SLCO4A1: variants seen among roughly 807,000 people sequenced by gnomAD.
SLCO4A1 encodes the protein solute carrier organic anion transporter family member 4A1.
Under a neutral mutation model 64.6 loss-of-function variants are expected in SLCO4A1, and 51 were observed. The ratio of observed to expected loss-of-function variants is 0.79; its 90% CI spans 0.63 to 1.00. The LOEUF (loss-of-function observed/expected upper bound fraction) is 1.00. SLCO4A1 is among the 50% of genes least tolerant of loss of function. The pLI, the probability that SLCO4A1 is intolerant of heterozygous loss-of-function variation, is 0.00. For missense variants in SLCO4A1, 919 were observed against 980.5 expected, an observed-to-expected ratio of 0.94 and a Z score of 0.84; for synonymous variants, 471 against 444.9, an observed-to-expected ratio of 1.06 and a Z score of -0.74.
intron 1 of SLCO4A1, among the ~76,000 whole-genome samples, chr20:62,653,543 G>A (rs966095029): frequency 6.6e-6 from 1 of 152,254 alleles, no homozygotes; most frequent in Admixed American, 6.5e-5. Flanking sequence ...TTCTCACTGA[G>A]GCCCCTGTGT....
At chr20:62,647,565 C>T (rs1981578673) in intron 1 of SLCO4A1, among the ~76,000 whole-genome samples, 2 of 152,238 alleles carry the variant, frequency 1.3e-5, no homozygotes, top group South Asian at 2.1e-4. Context: ...ATTTGCTGGG[C>T]CACAGTAGGT....
At chr20:62,659,258 A>G (rs756406123) in intron 3 of SLCO4A1, among the ~76,000 whole-genome samples, 1 of 152,132 alleles carries the variant, frequency 6.6e-6, no homozygotes, top group South Asian at 2.1e-4. Flanking sequence ...ACAGGCAGAG[A>G]GAGACAGAGA....
chr20:62,643,877 G>A (rs908818430), intron 1 of SLCO4A1, among the ~76,000 whole-genome samples: 8 of 152,172 alleles, frequency 5.3e-5, no homozygotes, highest in Admixed American at 1.3e-4. Flanking sequence ...AACCCCACGA[G>A]GTGGCCATTA....
At chr20:62,673,703 G>A (rs911844353), downstream of SLCO4A1, among the ~76,000 whole-genome samples, 9 of 109,456 alleles carry the variant, frequency 8.2e-5, 2 homozygotes, top group African/African-American at 1.4e-4. Context: ...GCAAGAAACC[G>A]GATGCTCAGC....
intron 4 of SLCO4A1, 132 bp from the exon 5 acceptor site, chr20:62,660,932 G>A: frequency 1.5e-6 from 1 of 653,874 alleles, no homozygotes; most frequent in South Asian, 1.8e-5. Context: ...GGCTGCGAGG[G>A]CTGCAGGGAT....
Position 62,644,751 on chromosome 20 carries a change from G to A in SLCO4A1, c.-97+2198G>A, listed in dbSNP as rs1412835586. Reference sequence around the variant, plus strand: ...ATCCATTTCTGGGGTGGGTACTGCTGAGCCAATATACATTCCTGGCTTCCT... The same window carrying A: ...ATCCATTTCTGGGGTGGGTACTGCTAAGCCAATATACATTCCTGGCTTCCT... On this transcript the variant is annotated intron_variant, in intron 1 of 11. Coordinates refer to ENST00000217159, the MANE Select transcript of SLCO4A1 (RefSeq NM_016354.4). This position sits in a 1 kb window ranked among gnomAD's most constrained non-coding sequence, Gnocchi z 5.4. 6.6e-6 allele frequency among the ~76,000 whole-genome samples: 1 copy of A among 152,228 alleles called. No individual in the cohort carries two copies. The highest frequency in any genetic ancestry group is 1.9e-4 in the East Asian group (1 of 5,196).
chr20:62,647,564 G>C (rs1363051060), intron 1 of SLCO4A1, among the ~76,000 whole-genome samples: 1 of 152,372 alleles, frequency 6.6e-6, no homozygotes, highest in South Asian at 2.1e-4. Context: ...CATTTGCTGG[G>C]CCACAGTAGG....
Position 62,661,266 on chromosome 20 carries a change from T to A in SLCO4A1, c.1121+91T>A. 1 of 883,360 alleles carries A rather than the reference T, an allele frequency of 1.1e-6. No individual in the cohort carries two copies. Among genetic ancestry groups the A allele is most frequent in the Non-Finnish European group, 1.9e-6 (1 of 530,322 alleles). 54.7% of individuals were successfully genotyped at this position (883,360 alleles called of 1,614,324 possible). On this transcript the variant is annotated intron_variant, in intron 5 of 11. Transcript: ENST00000217159. The surrounding 1 kb of genome is among the most constrained non-coding windows in gnomAD (Gnocchi z 5.2). Reference sequence around the variant, plus strand: ...AGTCGTTGAGACCCCTCCGGGATCATGATGGGGACGCAGCCCCTAACCTCT... The same window carrying A: ...AGTCGTTGAGACCCCTCCGGGATCAAGATGGGGACGCAGCCCCTAACCTCT...
chr20:62,646,813 G>A (rs964426012), intron 1 of SLCO4A1, among the ~76,000 whole-genome samples: 1 of 152,258 alleles, frequency 6.6e-6, no homozygotes, highest in Non-Finnish European at 1.5e-5. Flanking sequence ...TCTCAAACAT[G>A]CCCTTGAATG....
chr20:62,683,235 TA>T (rs1569157259), intron 2 of SLCO4A1, among the ~76,000 whole-genome samples: 1 of 152,244 alleles, frequency 6.6e-6, no homozygotes, highest in Non-Finnish European at 1.5e-5. Flanking sequence ...GTTTAATTCA[TA>T]ACTTGATCAT....
chr20:62,654,055 T>G (rs867665579), intron 1 of SLCO4A1, among the ~76,000 whole-genome samples: 13 of 152,012 alleles, frequency 8.6e-5, no homozygotes, highest in Non-Finnish European at 1.0e-4. Flanking sequence ...AAAAAAATAG[T>G]TTATTCCCAC....
intron 1 of SLCO4A1, among the ~76,000 whole-genome samples, chr20:62,654,689 C>T (rs911625864): frequency 1.3e-5 from 2 of 152,080 alleles, no homozygotes; most frequent in Non-Finnish European, 2.9e-5. Flanking sequence ...TGTGATGTTT[C>T]GTGGGCTGAA....
In SLCO4A1 at chr20:62,656,629, C is replaced by T. The variant is rs1225568845; in HGVS notation, c.175C>T (p.Leu59Phe). The change falls in exon 2 of 12, where the codon CTC becomes TTC. Residue 59 changes from leucine (L) to phenylalanine (F), a missense_variant. Leu to Phe is a conservative substitution (Grantham distance 22, BLOSUM62 0). Coordinates refer to ENST00000217159, the MANE Select transcript of SLCO4A1 (RefSeq NM_016354.4). Reference sequence around the variant, plus strand: ...CCCCCTGGACACCAGCAAGCAGCCCCTCTGCCAGCTCTGGGCCGAGAAGCA... The same window carrying T: ...CCCCCTGGACACCAGCAAGCAGCCCTTCTGCCAGCTCTGGGCCGAGAAGCA... ...HSPLDTSKQP[L>F]CQLWAEKHGA... is the part of the protein sequence containing the mutation. 1.9e-6 allele frequency: 3 copies of T among 1,600,634 alleles called. No homozygotes were observed. The highest frequency in any genetic ancestry group is 3.4e-5 in the Admixed American group (2 of 58,960).
chr20:62,657,102 T>A lies in SLCO4A1; in HGVS notation c.648T>A (p.Cys216Ter). Residue 216 changes from cysteine (C) to a stop codon, truncating the protein, a stop_gained, in exon 2 of 12, where the codon TGT (cysteine) becomes TGA (stop). Coordinates refer to ENST00000217159, the MANE Select transcript of SLCO4A1 (RefSeq NM_016354.4). LOFTEE classifies it high-confidence loss of function. ...GCCCTGCCAACCCCGGCGCGGTGTG[T>A]GCGGACAGCACCTCGGGCCTGTCCC... The part of the protein sequence containing the change: ...RTCPANPGAV[C>*]ADSTSGLSRY... 6.3e-7 allele frequency: 1 copy of A among 1,596,478 alleles called. No individual in the cohort carries two copies. The highest frequency in any genetic ancestry group is 8.5e-7 in the Non-Finnish European group (1 of 1,173,718).
chr20:62,661,480 C>G lies in SLCO4A1; in HGVS notation c.1121+305C>G, dbSNP rs933782173. 6.6e-6 allele frequency among the ~76,000 whole-genome samples: 1 copy of G among 152,100 alleles called. No individual in the cohort carries two copies. Among genetic ancestry groups the G allele is most frequent in the African/African-American group, 2.4e-5 (1 of 41,412 alleles). On this transcript the variant is annotated intron_variant, in intron 5 of 11. Transcript: ENST00000217159. This position sits in a 1 kb window ranked among gnomAD's most constrained non-coding sequence, Gnocchi z 5.2. ...ACTCCTGTGGGCTGCGCCTGGCTCC[C>G]AGTGGCCACGGAGCAAATCCCTTCC...
At chr20:62,676,705 G>T (rs749839232), downstream of SLCO4A1, among the ~76,000 whole-genome samples, 3 of 152,196 alleles carry the variant, frequency 2.0e-5, no homozygotes, top group African/African-American at 7.2e-5. Flanking sequence ...CGGTAAAATG[G>T]CACAGCCGCT....
downstream of SLCO4A1, among the ~76,000 whole-genome samples, chr20:62,686,527 C>T (rs944166957): frequency 2.0e-5 from 3 of 152,350 alleles, no homozygotes; most frequent in African/African-American, 4.8e-5. Context: ...AGCAGGCCCT[C>T]CTGCTGTTTC....
At chr20:62,651,011 C>T (rs1982384531) in intron 1 of SLCO4A1, among the ~76,000 whole-genome samples, 1 of 152,196 alleles carries the variant, frequency 6.6e-6, no homozygotes. Context: ...TTGGTACAAT[C>T]CTGGAAACTT....
chr20:62,647,632 C>T (rs947400758), intron 1 of SLCO4A1, among the ~76,000 whole-genome samples: 2 of 152,290 alleles, frequency 1.3e-5, no homozygotes, highest in African/African-American at 4.8e-5. Context: ...AGAGATCCTG[C>T]GTCCTTTCCA....
Sources: gnomAD v4.1 joint callset for allele counts (sites outside exome capture counted in the v4.1 genomes callset) on GRCh38, gnomAD v4.1.1 for gene constraint, Gnocchi (gnomAD v3.1) non-coding constraint, MANE v1.5 for transcripts, NCBI Gene and HGNC (gene_info 2026-07-23, HGNC 2026-07-21) for gene names.